The following DAG1 variants were observed in gnomAD, a reference collection of about 807,000 sequenced individuals.
DAG1 encodes the protein dystroglycan 1 (dystrophin-associated glycoprotein 1).
Under a neutral mutation model 46.1 loss-of-function variants are expected in DAG1, and 8 were observed. The observed-to-expected ratio is 0.17, with a 90% CI of 0.10 to 0.31. The LOEUF is 0.31. Ranked by LOEUF, DAG1 falls within the 10% of genes least tolerant of loss-of-function variation. The pLI, the probability that DAG1 is intolerant of heterozygous loss-of-function variation, is 1.00. For missense variants in DAG1, 1,003 were observed against 1,189.9 expected (o/e 0.84, Z 2.31); for synonymous variants, 495 against 481.8 (o/e 1.03, Z -0.36).
intron 1 of DAG1, among the ~76,000 whole-genome samples, chr3:49,480,356 A>C (rs1411779335): frequency 6.7e-6 from 1 of 149,312 alleles, no homozygotes; most frequent in Non-Finnish European, 1.5e-5. Context: ...GCTCACTGCA[A>C]GTTCCGTCTC....
chr3:49,470,280 T>G lies in DAG1; in HGVS notation c.-270T>G, dbSNP rs1016890232. 1.3e-5 allele frequency: 2 copies of G among 151,892 alleles called. No individual in the cohort carries two copies. The highest frequency in any genetic ancestry group is 6.6e-5 in the Admixed American group (1 of 15,250). 9.4% of individuals were successfully genotyped at this position (151,892 alleles called of 1,614,324 possible). ...CAGCGCCCTCTCACCGCCCGGTACG[T>G]GCTCGCGCGAAGGCTGCGGCGCGGC... On this transcript the variant is annotated 5_prime_UTR_variant, in exon 1 of 3. Coordinates refer to ENST00000308775, the MANE Select transcript of DAG1 (RefSeq NM_004393.6).
In DAG1 at chr3:49,532,685, G is replaced by T. The variant is rs775808647; in HGVS notation, c.2174G>T (p.Arg725Met). The T allele has an allele frequency of 4.3e-6, 7 of 1,614,086 alleles. No individual in the cohort carries two copies. The highest frequency in any genetic ancestry group is 1.6e-4 in the Middle Eastern group (1 of 6,084). Residue 725 changes from arginine (R) to methionine (M), a missense_variant, in exon 3 of 3, where the codon AGG becomes ATG. Arg to Met is a moderately conservative substitution (Grantham distance 91). This residue lies in a region of DAG1 where 755 missense variants were observed against 854.1 expected (regional missense o/e 0.88). Transcript: ENST00000308775. This position sits in a 1 kb window ranked among gnomAD's most constrained non-coding sequence, Gnocchi z 5.4. ...HLQFIPVVPP[R>M]RVPSEAPPTE... ...CAGTTTATCCCTGTGGTACCACCCAGGAGAGTGCCCTCAGAGGCGCCGCCC... is the reference window on the plus strand; with the variant it reads ...CAGTTTATCCCTGTGGTACCACCCATGAGAGTGCCCTCAGAGGCGCCGCCC...
chr3:49,510,971 G>A, intron 2 of DAG1, 152 bp downstream of exon 2: 1 of 1,513,754 alleles, frequency 6.6e-7, no homozygotes, highest in Non-Finnish European at 8.8e-7. Flanking sequence ...ATGTTCATAA[G>A]AGAATCCCTA....
chr3:49,472,802 G>C lies in DAG1; in HGVS notation c.-117+2369G>C, dbSNP rs547060848. Among the ~76,000 whole-genome samples, 20 of 151,554 alleles carry C rather than the reference G, an allele frequency of 1.3e-4. 1 individual carries two copies. In the South Asian group the frequency reaches 4.0e-3, roughly 30 times the overall value. On this transcript the variant is annotated intron_variant, in intron 1 of 2. Transcript: ENST00000308775. The stretch of plus-strand genomic sequence containing the variant: ...AGCCTGGGCCACAGATCGAGACTCC[G>C]TCTCAAAAACAAAACAAAAAACAAC...
chr3:49,489,203 C>T (rs926648797), intron 1 of DAG1, among the ~76,000 whole-genome samples: 2 of 151,744 alleles, frequency 1.3e-5, no homozygotes, highest in Non-Finnish European at 2.9e-5. Context: ...TCAAGCGATT[C>T]TGCCTCAGCC....
intron 1 of DAG1, among the ~76,000 whole-genome samples, chr3:49,478,535 T>TA (rs1260568111): frequency 1.3e-4 from 17 of 127,488 alleles, no homozygotes; most frequent in Non-Finnish European, 2.4e-4. Context: ...GAGTTTTTTT[T>TA]TTTTTTTTTT....
At chr3:49,503,753 G>A (rs1188650120) in intron 1 of DAG1, among the ~76,000 whole-genome samples, 5 of 151,874 alleles carry the variant, frequency 3.3e-5, no homozygotes, top group African/African-American at 4.8e-5. Context: ...GCGTGAGCCC[G>A]GGAGGTCGAG....
intron 2 of DAG1, among the ~76,000 whole-genome samples, chr3:49,511,608 G>A (rs2050763167): frequency 6.6e-6 from 1 of 152,184 alleles, no homozygotes; most frequent in Non-Finnish European, 1.5e-5. Flanking sequence ...TGACCTCCCA[G>A]GCTCAAGTGA....
intron 1 of DAG1, among the ~76,000 whole-genome samples, chr3:49,482,347 A>T (rs2049910134): frequency 6.6e-6 from 1 of 151,560 alleles, no homozygotes; most frequent in African/African-American, 2.4e-5. Flanking sequence ...GCTGAGGTGG[A>T]TTAGTAAAAG....
chr3:49,489,854 T>C (rs1185095899), intron 1 of DAG1, among the ~76,000 whole-genome samples: 1 of 152,036 alleles, frequency 6.6e-6, no homozygotes, highest in East Asian at 1.9e-4. Flanking sequence ...GGGGGATTAG[T>C]GCCTGGAATC....
intron 1 of DAG1, among the ~76,000 whole-genome samples, chr3:49,494,479 T>G (rs2050260441): frequency 6.6e-6 from 1 of 152,188 alleles, no homozygotes; most frequent in Non-Finnish European, 1.5e-5. Context: ...TTTCTAAATT[T>G]AATTCATCAT....
At chr3:49,489,276 G>A (rs2050119109) in intron 1 of DAG1, among the ~76,000 whole-genome samples, 1 of 152,066 alleles carries the variant, frequency 6.6e-6, no homozygotes, top group Non-Finnish European at 1.5e-5. Context: ...ATTTTCAGTA[G>A]AAAAGGGGTT....
At chr3:49,488,475 G>A (rs1033713165) in intron 1 of DAG1, among the ~76,000 whole-genome samples, 1 of 152,118 alleles carries the variant, frequency 6.6e-6, no homozygotes, top group Admixed American at 6.6e-5. Context: ...AGAACACCCT[G>A]GAGAGCAAGA....
At chr3:49,508,374 G>A (rs2107621232) in intron 1 of DAG1, among the ~76,000 whole-genome samples, 1 of 151,162 alleles carries the variant, frequency 6.6e-6, no homozygotes, top group African/African-American at 2.4e-5. Context: ...GCTAATTTTT[G>A]TATTTGTATT....
chr3:49,483,777 CA>C (rs2049946067), intron 1 of DAG1, among the ~76,000 whole-genome samples: 2 of 152,154 alleles, frequency 1.3e-5, no homozygotes, highest in African/African-American at 4.8e-5. Context: ...TAGGGTCAAG[CA>C]ATCCTCCCAC....
At chr3:49,478,424 G>C (rs1008041867) in intron 1 of DAG1, among the ~76,000 whole-genome samples, 1 of 101,250 alleles carries the variant, frequency 9.9e-6, no homozygotes, top group Non-Finnish European at 1.8e-5. Context: ...GAGAGACCCT[G>C]TCTCTACAAA....
At chr3:49,516,864 T>G (rs1199065797) in intron 2 of DAG1, among the ~76,000 whole-genome samples, 14 of 152,274 alleles carry the variant, frequency 9.2e-5, no homozygotes, top group South Asian at 4.1e-4. Flanking sequence ...TTTCCTTGCT[T>G]CTTTGAGCCG....
Position 49,524,493 on chromosome 3 carries a change from T to C in DAG1, c.286-6304T>C, listed in dbSNP as rs975148610. 1.5e-4 allele frequency among the ~76,000 whole-genome samples: 22 copies of C among 151,452 alleles called. 1 individual carries two copies. The highest frequency in any genetic ancestry group is 4.4e-4 in the African/African-American group (18 of 41,146). On this transcript the variant is annotated intron_variant, in intron 2 of 2. Transcript: ENST00000308775. ...GAGTTCAAGACCAATCTGGACAACATAGGAAGACCCATCTCTACAAAAAAG... is the reference window on the plus strand; with the variant it reads ...GAGTTCAAGACCAATCTGGACAACACAGGAAGACCCATCTCTACAAAAAAG...
rs1329510927 is a variant in DAG1 at position 49,535,527 on chromosome 3, T to G, written c.*2328T>G. On this transcript the variant is annotated 3_prime_UTR_variant, in exon 3 of 3. Transcript: ENST00000308775. ...GTGTTCACCAACCACTGATGTGTTT[T>G]TATTTCCTTCTATATGATTTTAAGA... is the stretch of plus-strand genomic sequence containing the variant. The G allele has an allele frequency of 6.5e-6, 1 of 152,714 alleles. No homozygotes were observed. The highest frequency in any genetic ancestry group is 1.5e-5 in the Non-Finnish European group (1 of 68,054). 9.5% of individuals were successfully genotyped at this position (152,714 alleles called of 1,614,324 possible).
Sources: gnomAD v4.1 joint callset for allele counts (sites outside exome capture counted in the v4.1 genomes callset) on GRCh38, gnomAD v4.1.1 for gene constraint, gnomAD v4.1.1 regional missense constraint, Gnocchi (gnomAD v3.1) non-coding constraint, MANE v1.5 for transcripts, NCBI Gene and HGNC (gene_info 2026-07-23, HGNC 2026-07-21) for gene names.